Variants in DEPDC7 observed in about 807,000 individuals in gnomAD.
DEPDC7 encodes DEP domain-containing protein 7.
A neutral mutation model predicts 56.6 loss-of-function variants in DEPDC7; 41 were observed. The ratio of observed to expected loss-of-function variants is 0.72; its 90% CI spans 0.56 to 0.94. The LOEUF (loss-of-function observed/expected upper bound fraction) is 0.94. Among genes scored for constraint, DEPDC7 ranks in the 40% least tolerant of loss-of-function variants. The pLI is 0.00. For synonymous variants in DEPDC7, 185 were observed against 208.8 expected, an observed-to-expected ratio of 0.89 and a Z score of 0.98; for missense variants, 522 against 596.3, an observed-to-expected ratio of 0.88 and a Z score of 1.30.
At chr11:33,022,801 A>G (rs1328264891) in intron 1 of DEPDC7, among the ~76,000 whole-genome samples, 1 of 152,194 alleles carries the variant, frequency 6.6e-6, no homozygotes, top group African/African-American at 2.4e-5. Context: ...TACTGTACCA[A>G]GAGTAGATCT....
chr11:33,030,711 G>A (rs1002667379), intron 4 of DEPDC7, among the ~76,000 whole-genome samples: 2 of 152,052 alleles, frequency 1.3e-5, no homozygotes, highest in Non-Finnish European at 2.9e-5. Flanking sequence ...AGCCTCCCAA[G>A]TATCTTGGAT....
rs749323829 is a variant in DEPDC7, at chr11:33,016,524, ACT to A, written c.73+499_73+500del. The stretch of plus-strand genomic sequence containing the variant: ...GTCAAGAGTCAGCTTGTCTCCCCAG[ACT>A]CTTCCTGGGAGGGATGAGAGGTTTA... On this transcript the variant is annotated intron_variant, in intron 1 of 8. Coordinates refer to ENST00000241051, the MANE Select transcript of DEPDC7 (RefSeq NM_001077242.2). 21 of 1,613,616 alleles carry A rather than the reference ACT, an allele frequency of 1.3e-5. No individual in the cohort carries two copies. The Admixed American group carries it at 1.3e-4, about 10-fold the overall frequency.
At chr11:33,019,400 T>G (rs1853500139) in intron 1 of DEPDC7, among the ~76,000 whole-genome samples, 1 of 152,074 alleles carries the variant, frequency 6.6e-6, no homozygotes, top group Non-Finnish European at 1.5e-5. Context: ...GTGTAGTGGC[T>G]CACACCTGTA....
intron 3 of DEPDC7, 85 bp from the exon 4 acceptor site, chr11:33,028,518 G>T: frequency 8.7e-7 from 1 of 1,155,368 alleles, no homozygotes; most frequent in Non-Finnish European, 1.2e-6. Flanking sequence ...AAATTTACTA[G>T]CTTAGACCTG....
rs919910755 is a variant in DEPDC7, at chr11:33,029,256, G to C, written c.782+464G>C. ...CCCATGCCTGTAATCCTAGCACTTT[G>C]GGAGGCTGAGGTGGGTGGATCACTT... On this transcript the variant is annotated intron_variant, in intron 4 of 8. Coordinates refer to ENST00000241051, the MANE Select transcript of DEPDC7 (RefSeq NM_001077242.2). Among the ~76,000 whole-genome samples the C allele has an allele frequency of 4.0e-5, 6 of 151,666 alleles. No homozygotes were observed. In the East Asian group the frequency reaches 1.2e-3, roughly 29 times the overall value.
chr11:33,023,364 T>A (rs1564963819), intron 1 of DEPDC7, among the ~76,000 whole-genome samples: 2 of 152,194 alleles, frequency 1.3e-5, no homozygotes, highest in Non-Finnish European at 2.9e-5. Flanking sequence ...GTGTATATGC[T>A]ATTCATTTTC....
intron 3 of DEPDC7, 85 bp from the exon 4 acceptor site, chr11:33,028,518 G>A (rs969013582): frequency 8.7e-7 from 1 of 1,155,370 alleles, no homozygotes. Flanking sequence ...AAATTTACTA[G>A]CTTAGACCTG....
chr11:33,033,482 G>A lies in DEPDC7; in HGVS notation c.*27G>A, dbSNP rs751244112. 152 of 1,373,612 alleles carry A rather than the reference G, an allele frequency of 1.1e-4. No individual in the cohort carries two copies. Among genetic ancestry groups the A allele is most frequent in the South Asian group, 9.7e-4 (64 of 65,960 alleles). 85.1% of individuals were successfully genotyped at this position (1,373,612 alleles called of 1,614,324 possible). A position where few individuals can be genotyped will look rare whatever the true frequency, so the allele number is the denominator to read the frequency against. ...TTTTTAATATCTGTATATAAGTTGT[G>A]TATTTTAAGAATAAATTATGTATCC... On this transcript the variant is annotated 3_prime_UTR_variant, in exon 9 of 9. Coordinates refer to ENST00000241051, the MANE Select transcript of DEPDC7 (RefSeq NM_001077242.2).
At chr11:33,031,234 C>T in intron 4 of DEPDC7, 144 bp from the exon 5 acceptor site, 1 of 624,582 alleles carries the variant, frequency 1.6e-6, no homozygotes, top group Non-Finnish European at 2.8e-6. Context: ...AAAAGAACTA[C>T]ACATATCTTT....
Position 33,031,553 on chromosome 11 carries a change from T to G in DEPDC7, c.958T>G (p.Leu320Val). 1 of 1,613,950 alleles carries G rather than the reference T, an allele frequency of 6.2e-7. No individual in the cohort carries two copies. Residue 320 changes from leucine to valine, a missense_variant, in exon 5 of 9, where the codon TTA becomes GTA. Coordinates refer to ENST00000241051, the MANE Select transcript of DEPDC7 (RefSeq NM_001077242.2). ...TAGTAGGGAACCTCTGTTAAATCAC[T>G]TATCTGACGTTCATAATGGAATTGC... ...YSSREPLLNHLSDVHNGIAEL... is the reference protein window; with the variant it reads ...YSSREPLLNHVSDVHNGIAEL...
chr11:33,024,802 CTG>C (rs35371602), intron 1 of DEPDC7, among the ~76,000 whole-genome samples: 5,438 of 146,452 alleles, frequency 0.037, 111 homozygotes, highest in African/African-American at 0.048. Context: ...ATGCATGACT[CTG>C]TGTGTGTGTG....
At chr11:33,016,564 T>C in intron 1 of DEPDC7, 1 of 1,614,220 alleles carries the variant, frequency 6.2e-7, no homozygotes, top group South Asian at 1.1e-5. Flanking sequence ...TGAGTTCTAC[T>C]GGCAGGAATT....
chr11:33,016,563 C>G, intron 1 of DEPDC7: 1 of 1,614,158 alleles, frequency 6.2e-7, no homozygotes, highest in Non-Finnish European at 8.5e-7. Context: ...GTGAGTTCTA[C>G]TGGCAGGAAT....
At chr11:33,032,515 T>C in intron 6 of DEPDC7, 37 bp downstream of exon 6, 1 of 1,506,706 alleles carries the variant, frequency 6.6e-7, no homozygotes, top group Non-Finnish European at 8.9e-7. Flanking sequence ...GTATTTAATA[T>C]CCTTAATACT....
At chr11:33,021,967 C>T (rs964215443) in intron 1 of DEPDC7, among the ~76,000 whole-genome samples, 42 of 152,162 alleles carry the variant, frequency 2.8e-4, no homozygotes, top group Non-Finnish European at 5.0e-4. Flanking sequence ...CTCTCACCGC[C>T]CTCTTCAGCT....
chr11:33,031,771 A>G (rs4567427), intron 5 of DEPDC7, among the ~76,000 whole-genome samples, 182 bp downstream of exon 5: 61,162 of 152,060 alleles, frequency 0.4, 12,469 homozygotes, highest in East Asian at 0.46. Context: ...AACAAGCTCT[A>G]AAGTTATGCA....
chr11:33,026,792 T>TCTTTTCTTTC (rs1554938365), intron 2 of DEPDC7: 2,788 of 97,128 alleles, frequency 0.029, 94 homozygotes, highest in African/African-American at 0.076. Flanking sequence ...TCTTTTCTTT[T>TCTTTTCTTTC]CTTTTTTTTC....
At position 33,027,714 on chromosome 11, in the gene DEPDC7, G is replaced by A. The variant is rs1350896858; in HGVS notation, c.493G>A (p.Asp165Asn). ...RYADALFKSS[D>N]IRSASLEDLW... The stretch of plus-strand genomic sequence containing the variant: ...TGCAGATGCATTATTTAAGTCATCC[G>A]ATATCAGATCAGCCAGTTTAGAGGA... Residue 165 changes from aspartate to asparagine, a missense_variant, in exon 3 of 9, where the codon GAT becomes AAT. Asp to Asn is a conservative substitution (Grantham distance 23). Coordinates refer to ENST00000241051, the MANE Select transcript of DEPDC7 (RefSeq NM_001077242.2). 1.3e-6 allele frequency: 2 copies of A among 1,552,314 alleles called. No homozygotes were observed. Among genetic ancestry groups the A allele is most frequent in the African/African-American group, 1.4e-5 (1 of 70,590 alleles).
intron 4 of DEPDC7, among the ~76,000 whole-genome samples, chr11:33,030,154 T>G (rs951998921): frequency 3.3e-5 from 5 of 152,156 alleles, no homozygotes; most frequent in African/African-American, 4.8e-5. Context: ...GAGATGGGGT[T>G]TCACCATATT....
Sources: gnomAD v4.1 joint callset for allele counts (sites outside exome capture counted in the v4.1 genomes callset) on GRCh38, gnomAD v4.1.1 for gene constraint, MANE v1.5 for transcripts, NCBI Gene and HGNC (gene_info 2026-07-23, HGNC 2026-07-21) for gene names.